Variants in PKHD1 observed in about 807,000 individuals in gnomAD.
PKHD1 encodes the protein PKHD1 ciliary IPT domain containing fibrocystin/polyductin.
PKHD1 carries 291 observed loss-of-function variants against 412.0 expected under a neutral mutation model. The observed-to-expected ratio is 0.71, with a 90% CI of 0.64 to 0.78. The LOEUF (loss-of-function observed/expected upper bound fraction) is 0.78. PKHD1 is among the 30% of genes least tolerant of loss of function. The pLI is 0.00. For missense variants in PKHD1, 4,825 were observed against 4,950.7 expected, an observed-to-expected ratio of 0.97 and a Z score of 0.76; for synonymous variants, 1,777 against 1,821.5, an observed-to-expected ratio of 0.98 and a Z score of 0.62.
At chr6:51,751,935 T>C (rs938571780) in intron 57 of PKHD1, among the ~76,000 whole-genome samples, 1 of 152,284 alleles carries the variant, frequency 6.6e-6, no homozygotes, top group African/African-American at 2.4e-5. Context: ...CTGTTTCCCT[T>C]CCCCAGGGGA....
chr6:51,939,911 A>G (rs1788204175), intron 36 of PKHD1, among the ~76,000 whole-genome samples: 1 of 150,844 alleles, frequency 6.6e-6, no homozygotes. Context: ...CCCTCATCAC[A>G]CCAGGTCTGG....
rs749306806 is a variant in PKHD1, at chr6:51,632,659, C to G, written c.11571G>C (p.Ser3857=). The change falls in exon 65 of 67, where the codon TCG becomes TCC. Residue 3857 remains serine (S), a synonymous_variant. Coordinates refer to ENST00000371117, the MANE Select transcript of PKHD1 (RefSeq NM_138694.4). Reference sequence around the variant, plus strand: ...ACAGGGAAGCAGCCAGGATGATGGTCGACTTCTCCTTCCTAGTCACAGGCA... The same window carrying G: ...ACAGGGAAGCAGCCAGGATGATGGTGGACTTCTCCTTCCTAGTCACAGGCA... ...AVLPVTRKEK[S]TIILAASLSS... is the part of the protein sequence containing the mutation. 1.9e-6 allele frequency: 3 copies of G among 1,613,328 alleles called. No individual in the cohort carries two copies. Among genetic ancestry groups the G allele is most frequent in the Admixed American group, 1.7e-5 (1 of 59,952 alleles).
chr6:51,759,978 G>T (rs1218084342), intron 55 of PKHD1, among the ~76,000 whole-genome samples: 1 of 151,932 alleles, frequency 6.6e-6, no homozygotes, highest in Non-Finnish European at 1.5e-5. Context: ...TAGTGAATTT[G>T]GCAATAGAAC....
chr6:51,638,985 C>G, intron 63 of PKHD1, 29 bp from the exon 64 acceptor site: 1 of 1,442,062 alleles, frequency 6.9e-7, no homozygotes, highest in Non-Finnish European at 9.8e-7. Flanking sequence ...CAAAAATTAG[C>G]TGTTTATTAT....
intron 60 of PKHD1, among the ~76,000 whole-genome samples, chr6:51,730,308 T>C (rs766660868): frequency 3.1e-4 from 47 of 152,178 alleles, no homozygotes; most frequent in Non-Finnish European, 5.4e-4. Context: ...CTAAATAACG[T>C]CATCAATATT....
intron 53 of PKHD1, among the ~76,000 whole-genome samples, chr6:51,790,990 A>G (rs547755126): frequency 1.1e-4 from 17 of 152,138 alleles, no homozygotes; most frequent in Non-Finnish European, 2.5e-4. Context: ...TCACCCTGGA[A>G]TGAGCAGTAG....
At chr6:51,934,063 C>A (rs1385970150) in intron 37 of PKHD1, 47 bp downstream of exon 37, 3 of 1,429,602 alleles carry the variant, frequency 2.1e-6, no homozygotes, top group African/African-American at 1.4e-5. Context: ...GTTTCCACTG[C>A]TAGACACAGC....
intron 50 of PKHD1, among the ~76,000 whole-genome samples, chr6:51,844,572 T>C (rs79158635): frequency 0.014 from 2,117 of 152,312 alleles, 19 homozygotes; most frequent in Non-Finnish European, 0.021. Flanking sequence ...GGAGCTAGAA[T>C]GCCTGGGTTC....
At chr6:51,763,110 A>C (rs904517385) in intron 55 of PKHD1, among the ~76,000 whole-genome samples, 2 of 152,122 alleles carry the variant, frequency 1.3e-5, no homozygotes, top group Non-Finnish European at 2.9e-5. Flanking sequence ...TAATATGTAG[A>C]ACACACGCAA....
At chr6:51,883,403 T>C (rs555865302) in intron 45 of PKHD1, among the ~76,000 whole-genome samples, 176 bp from the exon 46 acceptor site, 2 of 112,736 alleles carry the variant, frequency 1.8e-5, no homozygotes, top group East Asian at 4.5e-4. Context: ...TCAGCACTAA[T>C]GAGTCTCCTT....
At position 52,017,235 on chromosome 6, in the gene PKHD1, A is replaced by G. The variant is rs1800673446; in HGVS notation, c.5600+175T>C. Among the ~76,000 whole-genome samples the G allele has an allele frequency of 2.0e-5, 3 of 152,242 alleles. No homozygotes were observed. The South Asian group carries it at 6.2e-4, about 32-fold the overall frequency. ...CTTAAACAGTTGAAAAAGACAGGAG[A>G]TGCTTTGATATGCAGGCTGGCTGGA... On this transcript the variant is annotated intron_variant, in intron 34 of 66. Transcript: ENST00000371117.
intron 11 of PKHD1, among the ~76,000 whole-genome samples, chr6:52,068,694 C>T (rs760228938): frequency 6.6e-6 from 1 of 152,202 alleles, no homozygotes; most frequent in African/African-American, 2.4e-5. Context: ...CTATCGTTAT[C>T]ACCATCACCT....
chr6:51,724,532 AGAG>A (rs1457053709), intron 60 of PKHD1, among the ~76,000 whole-genome samples: 2 of 152,166 alleles, frequency 1.3e-5, no homozygotes, highest in Non-Finnish European at 2.9e-5. Flanking sequence ...TGGAGCCTTC[AGAG>A]GAGGAAGAAA....
chr6:51,693,660 C>T (rs75633527), intron 60 of PKHD1, among the ~76,000 whole-genome samples: 2,671 of 152,250 alleles, frequency 0.018, 28 homozygotes, highest in Non-Finnish European at 0.027. Flanking sequence ...CTCCAGAAGA[C>T]AATATGGGCA....
chr6:51,808,892 A>G (rs990396112), intron 52 of PKHD1, among the ~76,000 whole-genome samples: 1 of 152,124 alleles, frequency 6.6e-6, no homozygotes, highest in African/African-American at 2.4e-5. Flanking sequence ...ATTACCTTGC[A>G]TAGATTACTC....
chr6:51,858,414 A>G (rs1011443391), intron 48 of PKHD1, among the ~76,000 whole-genome samples: 2 of 152,190 alleles, frequency 1.3e-5, no homozygotes, highest in African/African-American at 2.4e-5. Flanking sequence ...CTTTGGGGAC[A>G]TAAGTGTAAA....
At chr6:51,963,468 A>T (rs1286613528) in intron 35 of PKHD1, among the ~76,000 whole-genome samples, 1 of 152,140 alleles carries the variant, frequency 6.6e-6, no homozygotes, top group Non-Finnish European at 1.5e-5. Context: ...AATACTAAAA[A>T]ATCTAAAAAT....
intron 49 of PKHD1, among the ~76,000 whole-genome samples, chr6:51,849,903 T>A (rs1463501361): frequency 6.6e-6 from 1 of 152,220 alleles, no homozygotes; most frequent in Non-Finnish European, 1.5e-5. Context: ...TTTAATTAGA[T>A]CCCATTTGTC....
intron 57 of PKHD1, among the ~76,000 whole-genome samples, chr6:51,751,859 GA>G (rs1320834301): frequency 6.6e-6 from 1 of 152,152 alleles, no homozygotes; most frequent in Non-Finnish European, 1.5e-5. Flanking sequence ...GATTAAATAA[GA>G]TAAAATTTTC....
Sources: gnomAD v4.1 joint callset for allele counts (sites outside exome capture counted in the v4.1 genomes callset) on GRCh38, gnomAD v4.1.1 for gene constraint, MANE v1.5 for transcripts, NCBI Gene and HGNC (gene_info 2026-07-23, HGNC 2026-07-21) for gene names.